DCHS2: variants seen among roughly 807,000 people sequenced by gnomAD.
DCHS2 encodes protocadherin-23.
Under a neutral mutation model 182.4 loss-of-function variants are expected in DCHS2, and 142 were observed. The ratio of observed to expected loss-of-function variants is 0.78; its 90% CI spans 0.68 to 0.89. DCHS2 has a LOEUF of 0.89. DCHS2 is among the 40% of genes least tolerant of loss of function. DCHS2 has a pLI of 0.00. For missense variants in DCHS2, 4,319 were observed against 4,198.6 expected, an observed-to-expected ratio of 1.03 and a Z score of -0.79; for synonymous variants, 1,740 against 1,663.3, an observed-to-expected ratio of 1.05 and a Z score of -1.12.
At chr4:154,338,489 T>C (rs536387460) in intron 3 of DCHS2, among the ~76,000 whole-genome samples, 1 of 152,352 alleles carries the variant, frequency 6.6e-6, no homozygotes, top group South Asian at 2.1e-4. Flanking sequence ...TTTCCTAAAA[T>C]ATTTAAGTGA....
intron 1 of DCHS2, among the ~76,000 whole-genome samples, chr4:154,487,323 G>A (rs1480533048): frequency 6.6e-6 from 1 of 152,190 alleles, no homozygotes; most frequent in East Asian, 1.9e-4. Flanking sequence ...CTGCATGGCT[G>A]GGCTCTGGCT....
intron 1 of DCHS2, among the ~76,000 whole-genome samples, chr4:154,439,931 T>G (rs1733930932): frequency 6.6e-6 from 1 of 152,222 alleles, no homozygotes; most frequent in Admixed American, 6.5e-5. Flanking sequence ...ACATTGTAAT[T>G]AAAGGAAACA....
chr4:154,392,218 C>T (rs1218733334), intron 1 of DCHS2, among the ~76,000 whole-genome samples: 1 of 152,186 alleles, frequency 6.6e-6, no homozygotes, highest in African/African-American at 2.4e-5. Flanking sequence ...AAGCAATTCA[C>T]ATTTAAGCAT....
intron 16 of DCHS2, among the ~76,000 whole-genome samples, chr4:154,254,376 T>C (rs952250269): frequency 1.3e-5 from 2 of 152,222 alleles, no homozygotes; most frequent in African/African-American, 4.8e-5. Flanking sequence ...TGGGTCTCGT[T>C]ACTGCCTTCA....
Position 154,259,645 on chromosome 4 carries a change from A to T in DCHS2, c.6689T>A (p.Val2230Asp), listed in dbSNP as rs748703539. ...ATTATCATTCTCATCCTGTATCAAG[A>T]CTGCTACTTTGCAATAGGCTCTATG... ...SGHRAYCKVA[V>D]LIQDENDNSP... The change falls in exon 15 of 20, where the codon GTC (valine) becomes GAC (aspartate). Residue 2230 changes from valine (V) to aspartate (D), a missense_variant. By Grantham distance (152) the Val-to-Asp change is radical (BLOSUM62 -3). Coordinates refer to ENST00000357232, the MANE Select transcript of DCHS2 (RefSeq NM_001358235.2). 5 of 1,613,948 alleles carry T rather than the reference A, an allele frequency of 3.1e-6. No individual in the cohort carries two copies. The African/African-American group carries it at 5.3e-5, about 17-fold the overall frequency.
chr4:154,408,230 G>C (rs1004715136), intron 1 of DCHS2, among the ~76,000 whole-genome samples: 3 of 152,150 alleles, frequency 2.0e-5, no homozygotes, highest in Non-Finnish European at 4.4e-5. Context: ...CATTCAGCCA[G>C]ATCATTTTAA....
chr4:154,343,137 A>G (rs1729187728), intron 3 of DCHS2, among the ~76,000 whole-genome samples: 1 of 152,184 alleles, frequency 6.6e-6, no homozygotes, highest in Admixed American at 6.5e-5. Flanking sequence ...TGGGTTTAAA[A>G]TATTCTGTAA....
At chr4:154,327,849 T>G (rs1480618395) in intron 7 of DCHS2, among the ~76,000 whole-genome samples, 1 of 152,202 alleles carries the variant, frequency 6.6e-6, no homozygotes, top group Non-Finnish European at 1.5e-5. Context: ...TAAAGATGAA[T>G]GGTTTCTATT....
chr4:154,353,738 G>C (rs1415324379), intron 3 of DCHS2, among the ~76,000 whole-genome samples: 1 of 152,182 alleles, frequency 6.6e-6, no homozygotes, highest in African/African-American at 2.4e-5. Context: ...TCTATTCCCT[G>C]GAGGGTCTCA....
In DCHS2 at chr4:154,335,159, G is replaced by A. The variant is rs952988974; in HGVS notation, c.2477-55C>T. Reference sequence around the variant, plus strand: ...CAGATAACATGTAATAAATACTGATGAGCAATAGTAACACCTGGTCTATTA... The same window carrying A: ...CAGATAACATGTAATAAATACTGATAAGCAATAGTAACACCTGGTCTATTA... On this transcript the variant is annotated intron_variant, in intron 3 of 19. Coordinates refer to ENST00000357232, the MANE Select transcript of DCHS2 (RefSeq NM_001358235.2). 11 of 1,134,104 alleles carry A rather than the reference G, an allele frequency of 9.7e-6. 1 individual carries two copies. The South Asian group carries it at 9.9e-5, about 10-fold the overall frequency. The allele number at this position is 1,134,104 out of a possible 1,614,324, so 70.3% of individuals were successfully genotyped here. A position where few individuals can be genotyped will look rare whatever the true frequency, so the allele number is the denominator to read the frequency against.
intron 13 of DCHS2, chr4:154,284,536 C>A (rs1237894439): frequency 6.6e-6 from 1 of 151,766 alleles, no homozygotes; most frequent in Non-Finnish European, 1.5e-5. Context: ...CCACCTTCCC[C>A]ATCTCCTGGC....
At chr4:154,433,344 C>A (rs1203018203) in intron 1 of DCHS2, among the ~76,000 whole-genome samples, 1 of 147,246 alleles carries the variant, frequency 6.8e-6, no homozygotes, top group African/African-American at 2.5e-5. Flanking sequence ...TCATTTCGGA[C>A]TTCTCATCTC....
intron 1 of DCHS2, among the ~76,000 whole-genome samples, chr4:154,451,493 G>A (rs1734533249): frequency 6.6e-6 from 1 of 152,150 alleles, no homozygotes; most frequent in African/African-American, 2.4e-5. Flanking sequence ...TAAGTTACAT[G>A]AGGAAGTGGC....
chr4:154,282,919 A>T (rs1351689038), intron 13 of DCHS2, among the ~76,000 whole-genome samples: 1 of 152,194 alleles, frequency 6.6e-6, no homozygotes, highest in Non-Finnish European at 1.5e-5. Flanking sequence ...TATGTGAAAT[A>T]AGCCAGTTAC....
At chr4:154,286,559 T>C (rs1240514583) in intron 13 of DCHS2, among the ~76,000 whole-genome samples, 4 of 151,780 alleles carry the variant, frequency 2.6e-5, no homozygotes, top group Non-Finnish European at 5.9e-5. Flanking sequence ...GAAAATACAA[T>C]TGACATACTT....
At chr4:154,332,334 G>T in intron 5 of DCHS2, 144 bp downstream of exon 5, 1 of 608,664 alleles carries the variant, frequency 1.6e-6, no homozygotes, top group Non-Finnish European at 2.8e-6. Context: ...TCAATTGCAT[G>T]TATGCACTAA....
intron 13 of DCHS2, among the ~76,000 whole-genome samples, chr4:154,277,966 A>G (rs533502894): frequency 6.1e-4 from 93 of 151,780 alleles, no homozygotes; most frequent in Middle Eastern, 6.8e-3. Flanking sequence ...GCTGGAACGC[A>G]GGAGGCAGAG....
chr4:154,244,599 A>ATGTT (rs1236655988), intron 16 of DCHS2, among the ~76,000 whole-genome samples: 1 of 152,170 alleles, frequency 6.6e-6, no homozygotes, highest in African/African-American at 2.4e-5. Flanking sequence ...CACTTGATGA[A>ATGTT]TGTTCTTTCT....
intron 1 of DCHS2, among the ~76,000 whole-genome samples, chr4:154,448,121 G>T (rs758827979): frequency 5.9e-5 from 9 of 152,008 alleles, no homozygotes; most frequent in Admixed American, 3.9e-4. Flanking sequence ...CCCTGCTTCC[G>T]CATTCCCTCT....
Sources: gnomAD v4.1 joint callset for allele counts (sites outside exome capture counted in the v4.1 genomes callset) on GRCh38, gnomAD v4.1.1 for gene constraint, MANE v1.5 for transcripts, NCBI Gene and HGNC (gene_info 2026-07-23, HGNC 2026-07-21) for gene names.